NIBAN2: variants seen among roughly 807,000 people sequenced by gnomAD.
NIBAN2 encodes the protein protein Niban 2.
Under a neutral mutation model 81.8 loss-of-function variants are expected in NIBAN2, and 36 were observed. The observed-to-expected ratio is 0.44, with a 90% CI of 0.34 to 0.58. The LOEUF (loss-of-function observed/expected upper bound fraction) is 0.58. Ranked by LOEUF, NIBAN2 falls within the 20% of genes least tolerant of loss-of-function variation. NIBAN2 has a pLI of 0.02. For missense variants in NIBAN2, 897 were observed against 1,014.1 expected (o/e 0.88, Z 1.57); for synonymous variants, 445 against 441.6 (o/e 1.01, Z -0.10).
intron 1 of NIBAN2, among the ~76,000 whole-genome samples, chr9:127,541,769 G>A (rs1837383679): frequency 6.6e-6 from 1 of 152,172 alleles, no homozygotes; most frequent in Admixed American, 6.5e-5. Flanking sequence ...CCATACCAGA[G>A]AAGGCAAGGG....
chr9:127,520,205 C>T (rs888655444), intron 5 of NIBAN2, among the ~76,000 whole-genome samples: 4 of 150,238 alleles, frequency 2.7e-5, no homozygotes. Flanking sequence ...TACCCCAGAA[C>T]GTGATTATAT....
chr9:127,509,727 T>G (rs2244830), intron 9 of NIBAN2, among the ~76,000 whole-genome samples: 107,813 of 146,106 alleles, frequency 0.74, 40,135 homozygotes, highest in Middle Eastern at 0.78. Context: ...TGTGAATTCT[T>G]CCTTATCAAT....
At chr9:127,561,389 G>C in intron 1 of NIBAN2, 1 of 622,540 alleles carries the variant, frequency 1.6e-6, no homozygotes, top group Non-Finnish European at 2.0e-6. Context: ...GCTCAATAAA[G>C]TCACAATCAT....
intron 1 of NIBAN2, among the ~76,000 whole-genome samples, chr9:127,553,129 C>T (rs966238291): frequency 6.6e-6 from 1 of 152,120 alleles, no homozygotes; most frequent in Non-Finnish European, 1.5e-5. Context: ...TCATTTTCTT[C>T]CTATTACTTA....
intron 9 of NIBAN2, 119 bp downstream of exon 9, chr9:127,510,027 C>A: frequency 1.1e-6 from 1 of 943,134 alleles, no homozygotes. Context: ...CAGCCCCTCC[C>A]CGTCTACAGG....
At chr9:127,549,422 T>C (rs1837534908) in intron 1 of NIBAN2, among the ~76,000 whole-genome samples, 1 of 151,960 alleles carries the variant, frequency 6.6e-6, no homozygotes, top group African/African-American at 2.4e-5. Flanking sequence ...CCCACACGCA[T>C]GCACTCACAT....
intron 1 of NIBAN2, among the ~76,000 whole-genome samples, chr9:127,566,706 G>A (rs1837864940): frequency 6.6e-6 from 1 of 152,152 alleles, no homozygotes; most frequent in Admixed American, 6.5e-5. Context: ...AAGGCCTCAG[G>A]TAGGGAGGGT....
Position 127,517,184 on chromosome 9 carries a change from G to T in NIBAN2, c.738C>A (p.Gly246=), listed in dbSNP as rs778574175. The T allele has an allele frequency of 5.6e-6, 9 of 1,614,012 alleles. No homozygotes were observed. Among genetic ancestry groups the T allele is most frequent in the Non-Finnish European group, 7.6e-6 (9 of 1,179,986 alleles). ...GGCCGAGCTCTGCCTTCAGCTCAGG[G>T]CCCAGCTCCTCCATCACCAGGTTGC... ...ILSNLVMEEL[G]PELKAELGPR... is the part of the protein sequence containing the mutation. Residue 246 remains glycine (G), a synonymous_variant, in exon 7 of 14, where the codon GGC becomes GGA. Transcript: ENST00000373312. The surrounding 1 kb of genome is among the most constrained non-coding windows in gnomAD (Gnocchi z 4.0).
At chr9:127,520,267 C>A (rs1836912882) in intron 5 of NIBAN2, among the ~76,000 whole-genome samples, 2 of 129,294 alleles carry the variant, frequency 1.5e-5, no homozygotes, top group East Asian at 2.7e-4. Flanking sequence ...TGAGAAGAGT[C>A]TTACTCTGTC....
intron 5 of NIBAN2, among the ~76,000 whole-genome samples, chr9:127,519,161 T>A (rs1261696585): frequency 2.0e-5 from 2 of 99,288 alleles, no homozygotes; most frequent in African/African-American, 4.1e-5. Context: ...GGCAACAGAG[T>A]AAGACTCTGT....
At position 127,507,161 on chromosome 9, in the gene NIBAN2, G is replaced by A. The variant is rs1836619380; in HGVS notation, c.1925C>T (p.Pro642Leu). 4 of 1,611,110 alleles carry A rather than the reference G, an allele frequency of 2.5e-6. No individual in the cohort carries two copies. Among genetic ancestry groups the A allele is most frequent in the Admixed American group, 1.7e-5 (1 of 59,738 alleles). Reference protein sequence around the residue: ...GLPFEASPESPPPASPDGVTE... With the variant: ...GLPFEASPESLPPASPDGVTE... Reference sequence around the variant, plus strand: ...GACACCGTCCGGGGACGCAGGTGGTGGTGACTCAGGGCTAGCCTCAAAGGG... The same window carrying A: ...GACACCGTCCGGGGACGCAGGTGGTAGTGACTCAGGGCTAGCCTCAAAGGG... Residue 642 changes from proline (P) to leucine (L), a missense_variant, in exon 14 of 14, where the codon CCA becomes CTA. Coordinates refer to ENST00000373312, the MANE Select transcript of NIBAN2 (RefSeq NM_022833.4). The surrounding 1 kb of genome is among the most constrained non-coding windows in gnomAD (Gnocchi z 6.8).
chr9:127,566,899 AC>A (rs1181547350), intron 1 of NIBAN2, among the ~76,000 whole-genome samples: 1 of 64,364 alleles, frequency 1.6e-5, no homozygotes, highest in East Asian at 5.0e-4. Context: ...CCAACACCCC[AC>A]CCCCCCACAT....
chr9:127,530,293 C>G (rs1323377782), intron 2 of NIBAN2, among the ~76,000 whole-genome samples: 1 of 152,246 alleles, frequency 6.6e-6, no homozygotes, highest in Non-Finnish European at 1.5e-5. Flanking sequence ...GCAGCTCCGA[C>G]ACACGGTCCT....
intron 9 of NIBAN2, 108 bp downstream of exon 9, chr9:127,510,038 G>A (rs945975931): frequency 2.2e-5 from 23 of 1,058,042 alleles, no homozygotes; most frequent in Middle Eastern, 2.2e-4. Flanking sequence ...CGTCTACAGG[G>A]ACGGCCTTGG....
At chr9:127,552,345 G>A (rs530269009) in intron 1 of NIBAN2, among the ~76,000 whole-genome samples, 3 of 152,344 alleles carry the variant, frequency 2.0e-5, no homozygotes, top group East Asian at 3.9e-4. Context: ...GGCTGAGGCA[G>A]GAGGATCACT....
intron 1 of NIBAN2, among the ~76,000 whole-genome samples, chr9:127,554,050 C>T (rs1236830005): frequency 6.6e-6 from 1 of 152,178 alleles, no homozygotes; most frequent in African/African-American, 2.4e-5. Flanking sequence ...ATCCATCTGC[C>T]ATCTCTGGGC....
At chr9:127,534,666 C>T (rs1008231908) in intron 1 of NIBAN2, among the ~76,000 whole-genome samples, 1 of 152,210 alleles carries the variant, frequency 6.6e-6, no homozygotes, top group Non-Finnish European at 1.5e-5. Context: ...CCTGTACTCC[C>T]CTTTCCTGGA....
chr9:127,518,029 C>A lies in NIBAN2; in HGVS notation c.590-88G>T, dbSNP rs117609831. ...AACTGAGAACTGACCAAAACCCCCC[C>A]CACACACATGGCATGCACCTCAGGA... is the stretch of plus-strand genomic sequence containing the variant. On this transcript the variant is annotated intron_variant, in intron 5 of 13. Transcript: ENST00000373312. The A allele has an allele frequency of 3.8e-3, 2,899 of 756,452 alleles. 49 individuals carry two copies. In the East Asian group the frequency reaches 0.052, roughly 14 times the overall value. The allele number at this position is 756,452 out of a possible 1,614,324, so 46.9% of individuals were successfully genotyped here.
intron 5 of NIBAN2, among the ~76,000 whole-genome samples, chr9:127,520,742 G>A (rs1836922682): frequency 6.6e-6 from 1 of 152,042 alleles, no homozygotes; most frequent in South Asian, 2.1e-4. Context: ...AAATTAGCCA[G>A]GTGTGGTGGC....
Sources: allele counts gnomAD v4.1 joint callset (sites outside exome capture counted in the v4.1 genomes callset), GRCh38; gene constraint gnomAD v4.1.1; non-coding constraint Gnocchi (gnomAD v3.1); transcripts MANE v1.5; gene names NCBI Gene and HGNC (gene_info 2026-07-23, HGNC 2026-07-21).